The following RDX variants were observed in gnomAD, a reference collection of about 807,000 sequenced individuals.
RDX encodes the protein radixin.
A neutral mutation model predicts 83.7 loss-of-function variants in RDX; 32 were observed. The ratio of observed to expected loss-of-function variants is 0.38; its 90% CI spans 0.29 to 0.51. The LOEUF (loss-of-function observed/expected upper bound fraction) is 0.51, where lower values mean the gene tolerates loss of function less well. Among genes scored for constraint, RDX ranks in the 20% least tolerant of loss-of-function variants. The probability of loss-of-function intolerance (pLI) is 0.87; values close to 1 mark genes in which losing one functional copy is unlikely to be tolerated. For missense variants in RDX, 600 were observed against 689.9 expected (o/e 0.87, Z 1.46); for synonymous variants, 229 against 222.7 (o/e 1.03, Z -0.25).
intron 14 of RDX, among the ~76,000 whole-genome samples, chr11:110,210,806 A>G (rs532041228): frequency 7.2e-4 from 109 of 152,278 alleles, no homozygotes; most frequent in Middle Eastern, 3.4e-3. Flanking sequence ...TTTTGTCACC[A>G]CCAGGCCTGC....
At chr11:110,245,531 T>C (rs1012725294) in intron 10 of RDX, among the ~76,000 whole-genome samples, 2 of 152,184 alleles carry the variant, frequency 1.3e-5, no homozygotes, top group Non-Finnish European at 2.9e-5. Context: ...GAAATTAAGA[T>C]GTTAAAATGA....
At chr11:110,293,756 G>A (rs959096428) in intron 1 of RDX, among the ~76,000 whole-genome samples, 3 of 152,198 alleles carry the variant, frequency 2.0e-5, no homozygotes, top group South Asian at 4.1e-4. Context: ...TGACTTCCCC[G>A]ATGCACAGAA....
intron 10 of RDX, among the ~76,000 whole-genome samples, chr11:110,240,694 G>A (rs1217529667): frequency 1.3e-4 from 19 of 146,098 alleles, no homozygotes; most frequent in Admixed American, 1.1e-3. Flanking sequence ...GCAGTGAGCC[G>A]AGATGGCGCC....
chr11:110,229,005 G>C (rs1864524638), downstream of RDX, among the ~76,000 whole-genome samples: 1 of 151,744 alleles, frequency 6.6e-6, no homozygotes, highest in Non-Finnish European at 1.5e-5. Context: ...ACTTGAAAAA[G>C]GCAATTTCTA....
chr11:110,292,845 C>T (rs752118389), intron 1 of RDX, among the ~76,000 whole-genome samples: 9 of 152,142 alleles, frequency 5.9e-5, no homozygotes, highest in Non-Finnish European at 1.3e-4. Flanking sequence ...AAGGAGTTGG[C>T]AAACTTTTTT....
At chr11:110,217,621 G>A (rs191634250) in intron 14 of RDX, among the ~76,000 whole-genome samples, 1 of 152,240 alleles carries the variant, frequency 6.6e-6, no homozygotes, top group East Asian at 1.9e-4. Flanking sequence ...AGCGGATACC[G>A]TTGGCTCTAG....
rs143401385 is a variant in RDX, at chr11:110,232,002, T to A, written c.1619A>T (p.Asp540Val). ...ATCATTTTGTGTTTTCTTGGTTTCA[T>A]CTCTGGCTTGGGCTAATTCTGAACT... Reference protein sequence around the residue: ...ALSSELAQARDETKKTQNDVL... With the variant: ...ALSSELAQARVETKKTQNDVL... Residue 540 changes from aspartate to valine, a missense_variant, in exon 14 of 14, where the codon GAT becomes GTT. By Grantham distance (152) the Asp-to-Val change is radical. Coordinates refer to ENST00000645495, the MANE Select transcript of RDX (RefSeq NM_002906.4). The A allele has an allele frequency of 3.1e-6, 5 of 1,614,026 alleles. No homozygotes were observed. In the African/African-American group the frequency reaches 6.7e-5, roughly 22 times the overall value.
chr11:110,284,589 C>G (rs542942222), intron 1 of RDX, among the ~76,000 whole-genome samples: 95 of 151,156 alleles, frequency 6.3e-4, no homozygotes, highest in Non-Finnish European at 1.2e-3. Flanking sequence ...GGCGCGATAT[C>G]GGCTCACTGC....
rs754563690 is a variant in RDX, at chr11:110,237,581, G to A, written c.1162C>T (p.Arg388Ter). Residue 388 changes from arginine (R) to a stop codon, truncating the protein, a stop_gained, in exon 11 of 14, where the codon CGA becomes TGA. Coordinates refer to ENST00000645495, the MANE Select transcript of RDX (RefSeq NM_002906.4). LOFTEE classifies it high-confidence loss of function. The stretch of plus-strand genomic sequence containing the variant: ...GCAGCTCGACGCTCCTTTTCAAGTC[G>A]TTCTGCTTCTTCTTTTGCTCGTTTT... ...ERKRAKEEAE[R>*]LEKERRAAEE... 6 of 1,614,056 alleles carry A rather than the reference G, an allele frequency of 3.7e-6. No individual in the cohort carries two copies. Among genetic ancestry groups the A allele is most frequent in the Non-Finnish European group, 5.1e-6 (6 of 1,180,002 alleles).
In RDX at chr11:110,270,192, T is replaced by C. The variant is rs531083577; in HGVS notation, c.96+2344A>G. Reference sequence around the variant, plus strand: ...TTCTGAGAAATGCATCGTTAGACAATTGCATCATCGTATGAACATCAGAGT... The same window carrying C: ...TTCTGAGAAATGCATCGTTAGACAACTGCATCATCGTATGAACATCAGAGT... On this transcript the variant is annotated intron_variant, in intron 3 of 13. Coordinates refer to ENST00000645495, the MANE Select transcript of RDX (RefSeq NM_002906.4). Among the ~76,000 whole-genome samples the C allele has an allele frequency of 5.4e-5, 8 of 147,608 alleles. No individual in the cohort carries two copies. In the East Asian group the frequency reaches 1.0e-3, roughly 18 times the overall value.
chr11:110,290,190 T>C (rs79618016), intron 1 of RDX, among the ~76,000 whole-genome samples: 14,164 of 152,006 alleles, frequency 0.093, 792 homozygotes, highest in Non-Finnish European at 0.12. Flanking sequence ...GTGCTTAAAA[T>C]GCTGCTGCAA....
chr11:110,227,818 C>G (rs754452868), downstream of RDX, among the ~76,000 whole-genome samples: 1 of 152,018 alleles, frequency 6.6e-6, no homozygotes, highest in East Asian at 1.9e-4. Context: ...AAACATAAAC[C>G]TGAATGCAAA....
intron 5 of RDX, among the ~76,000 whole-genome samples, chr11:110,262,440 C>T (rs534462663): frequency 6.6e-6 from 1 of 152,026 alleles, no homozygotes; most frequent in African/African-American, 2.4e-5. Flanking sequence ...CAAAAATTAG[C>T]CAGGTGTGGT....
chr11:110,215,826 T>C (rs1353024852), intron 14 of RDX, among the ~76,000 whole-genome samples: 1 of 152,200 alleles, frequency 6.6e-6, no homozygotes, highest in Non-Finnish European at 1.5e-5. Flanking sequence ...TGGTTGTCCT[T>C]CGGCAGGTTA....
At position 110,176,053 on chromosome 11, in the gene RDX, C is replaced by T. The variant is rs368530119; in HGVS notation, c.*32-819G>A. ...GCCAAGGCGGGTGTGGGTGAGGGCG[C>T]ACCAGCACCAGCCTTTTTTTCTTTT... On this transcript the variant is annotated intron_variant, in intron 15 of 15. Coordinates refer to the RDX transcript ENST00000528498. Among the ~76,000 whole-genome samples the T allele has an allele frequency of 3.2e-4, 49 of 151,826 alleles. 1 individual carries two copies. The highest frequency in any genetic ancestry group is 1.2e-3 in the African/African-American group (48 of 41,446).
At chr11:110,274,554 G>A (rs375301701) in intron 2 of RDX, among the ~76,000 whole-genome samples, 3 of 152,212 alleles carry the variant, frequency 2.0e-5, no homozygotes, top group Middle Eastern at 3.4e-3. Flanking sequence ...CACAGTGGCA[G>A]AATCCCAGCT....
intron 4 of RDX, among the ~76,000 whole-genome samples, 163 bp downstream of exon 4, chr11:110,264,616 G>A: frequency 6.8e-6 from 1 of 146,930 alleles, no homozygotes; most frequent in Non-Finnish European, 1.5e-5. Flanking sequence ...GAGATGATAA[G>A]CTGATGGTGC....
chr11:110,190,435 T>C (rs571957954), intron 15 of RDX, among the ~76,000 whole-genome samples: 1 of 152,270 alleles, frequency 6.6e-6, no homozygotes, highest in African/African-American at 2.4e-5. Flanking sequence ...GCCCAGGTGA[T>C]AGAGAGCAAG....
At chr11:110,258,651 T>C (rs1565319474) in intron 5 of RDX, among the ~76,000 whole-genome samples, 1 of 152,058 alleles carries the variant, frequency 6.6e-6, no homozygotes, top group African/African-American at 2.4e-5. Flanking sequence ...AAATGGCTCA[T>C]TGTTAATAGA....
Sources: allele counts gnomAD v4.1 joint callset (sites outside exome capture counted in the v4.1 genomes callset), GRCh38; gene constraint gnomAD v4.1.1; transcripts MANE v1.5; gene names NCBI Gene and HGNC (gene_info 2026-07-23, HGNC 2026-07-21).